The following PLOD1 variants were observed in gnomAD, a reference collection of about 807,000 sequenced individuals.
The protein encoded by PLOD1 is procollagen-lysine,2-oxoglutarate 5-dioxygenase 1.
Under a neutral mutation model 94.7 loss-of-function variants are expected in PLOD1, and 70 were observed. That is an observed-to-expected ratio of 0.74 (90% CI 0.61 to 0.90). The LOEUF (loss-of-function observed/expected upper bound fraction) is 0.90, where lower values mean the gene tolerates loss of function less well. PLOD1 is among the 40% of genes least tolerant of loss of function. PLOD1 has a pLI of 0.00. For missense variants in PLOD1, 905 were observed against 972.7 expected, an observed-to-expected ratio of 0.93 and a Z score of 0.93; for synonymous variants, 417 against 400.2, an observed-to-expected ratio of 1.04 and a Z score of -0.50.
Position 11,957,859 on chromosome 1 carries a change from G to A in PLOD1, c.759G>A (p.Leu253=), listed in dbSNP as rs762271097. The change falls in exon 8 of 19, where the codon CTG becomes CTA. Residue 253 remains leucine, a synonymous_variant. Transcript: ENST00000196061. This position sits in a 1 kb window ranked among gnomAD's most constrained non-coding sequence, Gnocchi z 4.1. ...NGPTKLQLNY[L]GNYIPRFWTF... ...CCCGACAGCTGCAGTTGAACTACCT[G>A]GGCAACTACATCCCGCGCTTCTGGA... is the stretch of plus-strand genomic sequence containing the variant. The A allele has an allele frequency of 1.2e-6, 2 of 1,613,884 alleles. No individual in the cohort carries two copies. The highest frequency in any genetic ancestry group is 1.7e-6 in the Non-Finnish European group (2 of 1,179,794).
rs568824893 is a variant in PLOD1, at chr1:11,972,634, C to T, written c.1903-238C>T. On this transcript the variant is annotated intron_variant, in intron 17 of 18. Transcript: ENST00000196061. The surrounding 1 kb of genome is among the most constrained non-coding windows in gnomAD (Gnocchi z 4.6). ...TCCTCCCTCCCTCCCTTCCTTTCTT[C>T]CTTCCCCTCTGTTCTCTTCCTTCCC... is the stretch of plus-strand genomic sequence containing the variant. 13 of 414,790 alleles carry T rather than the reference C, an allele frequency of 3.1e-5. 1 individual carries two copies. The highest frequency in any genetic ancestry group is 2.0e-4 in the African/African-American group (10 of 49,850). The allele number at this position is 414,790 out of a possible 1,614,324, so 25.7% of individuals were successfully genotyped here.
Position 11,958,031 on chromosome 1 carries a change from A to C in PLOD1, c.843+88A>C. ...GATGGGTGATTCTGGAATAGACTCC[A>C]TTGTCTTTGGTGGAAAGTGAAGGGG... On this transcript the variant is annotated intron_variant, in intron 8 of 18. Transcript: ENST00000196061. This position sits in a 1 kb window ranked among gnomAD's most constrained non-coding sequence, Gnocchi z 4.3. 3.2e-6 allele frequency: 3 copies of C among 927,414 alleles called. No homozygotes were observed. Among genetic ancestry groups the C allele is most frequent in the Non-Finnish European group, 5.4e-6 (3 of 558,870 alleles). 57.4% of individuals were successfully genotyped at this position (927,414 alleles called of 1,614,324 possible).
chr1:11,962,255 T>C (rs1645782882), intron 10 of PLOD1, among the ~76,000 whole-genome samples: 1 of 148,912 alleles, frequency 6.7e-6, no homozygotes. Flanking sequence ...TTTTTACATC[T>C]TCTTTTGATT....
In PLOD1 at chr1:11,970,674, A is replaced by C. The variant is rs756846064; in HGVS notation, c.1760A>C (p.Asn587Thr). 5.0e-6 allele frequency: 8 copies of C among 1,613,090 alleles called. No homozygotes were observed. Residue 587 changes from asparagine to threonine, a missense_variant, in exon 17 of 19, where the codon AAC becomes ACC. Transcript: ENST00000196061. ...GQWSLGNNKD[N>T]RIQGGYENVP... is the part of the protein sequence containing the mutation. ...ATTCACCTCGGTCACCTCCAGGACA[A>C]CCGCATCCAGGGTGGCTACGAGAAC... is the stretch of plus-strand genomic sequence containing the variant.
chr1:11,964,313 A>T lies in PLOD1; in HGVS notation c.1328+13A>T. On this transcript the variant is annotated intron_variant, in intron 12 of 18. Coordinates refer to ENST00000196061, the MANE Select transcript of PLOD1 (RefSeq NM_000302.4). Reference sequence around the variant, plus strand: ...AGGGGCGGCGTGTGTGAGTACCTGCAGGGTGGGGGTGGGTGGGGGACACCT... The same window carrying T: ...AGGGGCGGCGTGTGTGAGTACCTGCTGGGTGGGGGTGGGTGGGGGACACCT... 6 of 283,524 alleles carry T rather than the reference A, an allele frequency of 2.1e-5. No homozygotes were observed. Among genetic ancestry groups the T allele is most frequent in the Non-Finnish European group, 4.0e-5 (6 of 148,480 alleles). 17.6% of individuals were successfully genotyped at this position (283,524 alleles called of 1,614,324 possible).
intron 1 of PLOD1, among the ~76,000 whole-genome samples, chr1:11,947,088 A>G (rs1272646478): frequency 5.9e-5 from 9 of 151,342 alleles, no homozygotes; most frequent in Admixed American, 5.9e-4. Context: ...GGCCAACATG[A>G]TGAAACCCCG....
rs746583661 is a variant in PLOD1, at chr1:11,972,973, G to T, written c.2004G>T (p.Leu668=). ...CCACCTTCACCATCAACATCGCCCT[G>T]AACCGAGTCGGGGTGGATTACGAGG... ...DASTFTINIA[L]NRVGVDYEGG... is the part of the protein sequence containing the mutation. Residue 668 remains leucine, a synonymous_variant, in exon 18 of 19, where the codon CTG becomes CTT. Coordinates refer to ENST00000196061, the MANE Select transcript of PLOD1 (RefSeq NM_000302.4). This position sits in a 1 kb window ranked among gnomAD's most constrained non-coding sequence, Gnocchi z 4.6. The T allele has an allele frequency of 2.5e-6, 4 of 1,614,074 alleles. No individual in the cohort carries two copies. The highest frequency in any genetic ancestry group is 3.4e-6 in the Non-Finnish European group (4 of 1,179,982).
chr1:11,964,871 C>T (rs964683373), intron 13 of PLOD1, 86 bp downstream of exon 13: 31 of 1,413,220 alleles, frequency 2.2e-5, no homozygotes, highest in East Asian at 4.6e-5. Context: ...CATGGTGGGC[C>T]GCCTTGTCAC....
rs1254613722 is a variant in PLOD1 at position 11,973,093 on chromosome 1, A to G, written c.2028+96A>G. 5 of 1,360,720 alleles carry G rather than the reference A, an allele frequency of 3.7e-6. No homozygotes were observed. In the South Asian group the frequency reaches 4.7e-5, roughly 13 times the overall value. 84.3% of individuals were successfully genotyped at this position (1,360,720 alleles called of 1,614,324 possible). A position where few individuals can be genotyped will look rare whatever the true frequency, so the allele number is the denominator to read the frequency against. ...AGGGTGGTTGAGGCAGAGGGGCCCC[A>G]GGTAACCAGTGCCAGAGAACCAGAA... On this transcript the variant is annotated intron_variant, in intron 18 of 18. Transcript: ENST00000196061.
intron 16 of PLOD1, among the ~76,000 whole-genome samples, chr1:11,967,985 G>C (rs535546306): frequency 6.8e-6 from 1 of 147,676 alleles, no homozygotes; most frequent in Admixed American, 6.8e-5. Flanking sequence ...GCAGTGTCTC[G>C]TTCTGTCACC....
intron 1 of PLOD1, among the ~76,000 whole-genome samples, chr1:11,944,097 G>A (rs1645632984): frequency 6.6e-6 from 1 of 152,020 alleles, no homozygotes. Flanking sequence ...GCTGGGCGTG[G>A]TGGCCGGCAC....
At chr1:11,959,556 C>T (rs1645763489) in intron 9 of PLOD1, among the ~76,000 whole-genome samples, 1 of 151,128 alleles carries the variant, frequency 6.6e-6, no homozygotes, top group Admixed American at 6.6e-5. Context: ...GATTCTCCTG[C>T]CTCAGCCTCC....
At chr1:11,966,109 C>CA (rs1319938101) in intron 14 of PLOD1, 142 bp from the exon 15 acceptor site, 1 of 716,878 alleles carries the variant, frequency 1.4e-6, no homozygotes. Context: ...CCAGACAACA[C>CA]ACACGCACCC....
intron 9 of PLOD1, 119 bp from the exon 10 acceptor site, chr1:11,960,527 G>T: frequency 1.3e-6 from 1 of 776,162 alleles, no homozygotes; most frequent in South Asian, 1.4e-5. Flanking sequence ...AAAGCAGATG[G>T]CCGGGGTGCC....
intron 6 of PLOD1, 67 bp downstream of exon 6, chr1:11,954,960 C>G: frequency 7.9e-7 from 1 of 1,268,234 alleles, no homozygotes; most frequent in African/African-American, 1.5e-5. Flanking sequence ...AGGCAGGGCC[C>G]GAGCCCAGGG....
intron 11 of PLOD1, 137 bp from the exon 12 acceptor site, chr1:11,964,038 C>A: frequency 2.2e-6 from 2 of 919,308 alleles, no homozygotes; most frequent in Admixed American, 3.4e-5. Flanking sequence ...CCGGCCAAGG[C>A]ACTGCCTGTC....
chr1:11,954,817 T>G lies in PLOD1; in HGVS notation c.580-13T>G. 14 of 1,608,574 alleles carry G rather than the reference T, an allele frequency of 8.7e-6. No homozygotes were observed. Among genetic ancestry groups the G allele is most frequent in the African/African-American group, 1.3e-5 (1 of 74,946 alleles). On this transcript the variant is annotated splice_polypyrimidine_tract_variant and intron_variant, in intron 5 of 18. Coordinates refer to ENST00000196061, the MANE Select transcript of PLOD1 (RefSeq NM_000302.4). Reference sequence around the variant, plus strand: ...CCTGTCCCTGCTGCAGTCTGGTACCTTCTTTCCTGCAGGAGCAGATCAATA... The same window carrying G: ...CCTGTCCCTGCTGCAGTCTGGTACCGTCTTTCCTGCAGGAGCAGATCAATA...
At chr1:11,966,384 C>T (rs993584600) in intron 15 of PLOD1, 68 bp downstream of exon 15, 1 of 1,149,594 alleles carries the variant, frequency 8.7e-7, no homozygotes, top group South Asian at 1.3e-5. Context: ...AGAAGGGAAA[C>T]TGCTTGCCCT....
chr1:11,940,847 TG>T (rs955266450), intron 1 of PLOD1, among the ~76,000 whole-genome samples: 2 of 152,186 alleles, frequency 1.3e-5, no homozygotes, highest in Non-Finnish European at 2.9e-5. Flanking sequence ...AACAGTGAGC[TG>T]GGAAAAGACC....
Sources: allele counts gnomAD v4.1 joint callset (sites outside exome capture counted in the v4.1 genomes callset), GRCh38; gene constraint gnomAD v4.1.1; non-coding constraint Gnocchi (gnomAD v3.1); transcripts MANE v1.5; gene names NCBI Gene and HGNC (gene_info 2026-07-23, HGNC 2026-07-21).